Variants in ANOS1 observed in about 807,000 individuals in gnomAD.
The protein encoded by ANOS1 is anosmin 1.
In ANOS1, 6 loss-of-function variants were observed where a neutral mutation model predicts 59.0. That is an observed-to-expected ratio of 0.10 (90% CI 0.06 to 0.20). The LOEUF (loss-of-function observed/expected upper bound fraction) is 0.20. ANOS1 is among the 10% of genes least tolerant of loss of function. The pLI is 1.00. For missense variants in ANOS1, 433 were observed against 542.3 expected (o/e 0.80, Z 2.00); for synonymous variants, 217 against 223.4 (o/e 0.97, Z 0.25).
At chrX:8,657,990 T>A (rs1931962928) in intron 2 of ANOS1, among the ~76,000 whole-genome samples, 1 of 111,487 alleles carries the variant, frequency 9.0e-6, no homozygotes, top group Non-Finnish European at 1.9e-5. Flanking sequence ...TCTCATCTAC[T>A]ACCTCCTGTC....
At chrX:8,556,740 T>C (rs758503692) in intron 8 of ANOS1, among the ~76,000 whole-genome samples, 3 of 111,872 alleles carry the variant, frequency 2.7e-5, no homozygotes, top group Non-Finnish European at 5.6e-5. Flanking sequence ...ATCGTGAAAA[T>C]GGACATACTA....
intron 3 of ANOS1, among the ~76,000 whole-genome samples, chrX:8,610,712 C>T (rs756768378): frequency 9.0e-6 from 1 of 111,531 alleles, no homozygotes; most frequent in South Asian, 3.8e-4. Flanking sequence ...GAAGCATTGG[C>T]TAGAGTCCTC....
chrX:8,652,865 T>C (rs1419031763), intron 2 of ANOS1, among the ~76,000 whole-genome samples: 1 of 110,909 alleles, frequency 9.0e-6, no homozygotes, highest in Admixed American at 9.6e-5. Context: ...TTTATTTATT[T>C]TTATTTTTGA....
At chrX:8,637,033 T>G (rs192049861) in intron 2 of ANOS1, among the ~76,000 whole-genome samples, 417 of 112,512 alleles carry the variant, frequency 3.7e-3, no homozygotes, top group African/African-American at 0.013. Context: ...GAATATTTAA[T>G]TTTATTCTCT....
In ANOS1 at chrX:8,617,465, C is replaced by T. The variant is rs1036906615; in HGVS notation, c.318+6143G>A. 8.9e-5 allele frequency among the ~76,000 whole-genome samples: 10 copies of T among 111,773 alleles called. No individual in the cohort carries two copies. In the Admixed American group the frequency reaches 9.5e-4, roughly 11 times the overall value. ...AGGGGCAAGGAGCCCTGTCTTCCTT[C>T]TCTCCTTGAGGTGCCATTAATTAAC... On this transcript the variant is annotated intron_variant, in intron 3 of 13. Coordinates refer to ENST00000262648, the MANE Select transcript of ANOS1 (RefSeq NM_000216.4).
At chrX:8,607,308 T>C (rs1285873389) in intron 3 of ANOS1, among the ~76,000 whole-genome samples, 1 of 112,095 alleles carries the variant, frequency 8.9e-6, no homozygotes, top group Non-Finnish European at 1.9e-5. Flanking sequence ...ATTTCTTAGA[T>C]GTGATTGCAA....
chrX:8,648,756 A>C (rs1343892321), intron 2 of ANOS1, among the ~76,000 whole-genome samples: 3 of 112,070 alleles, frequency 2.7e-5, no homozygotes, highest in Non-Finnish European at 5.6e-5. Context: ...GCTTTCATGA[A>C]TCTCCAAAAG....
chrX:8,642,316 T>C (rs1171171233), intron 2 of ANOS1, among the ~76,000 whole-genome samples: 4 of 111,464 alleles, frequency 3.6e-5, no homozygotes, highest in Non-Finnish European at 5.7e-5. Flanking sequence ...AATGAGTCAA[T>C]CTATGTAGGG....
At chrX:8,679,444 G>A (rs753153540) in intron 2 of ANOS1, among the ~76,000 whole-genome samples, 2 of 109,525 alleles carry the variant, frequency 1.8e-5, no homozygotes, top group East Asian at 5.7e-4. Flanking sequence ...GTCCCTATAA[G>A]TAGGCATATT....
intron 3 of ANOS1, among the ~76,000 whole-genome samples, chrX:8,609,107 T>C (rs992125398): frequency 8.9e-6 from 1 of 112,138 alleles, no homozygotes; most frequent in African/African-American, 3.2e-5. Context: ...TATCTGGAGA[T>C]ATTTTTGTTC....
chrX:8,621,802 T>C (rs1452387152), intron 3 of ANOS1, among the ~76,000 whole-genome samples: 1 of 111,857 alleles, frequency 8.9e-6, no homozygotes, highest in African/African-American at 3.3e-5. Flanking sequence ...CTGAGATCTT[T>C]CATCCAGGAG....
chrX:8,723,536 C>T (rs1377395051), intron 1 of ANOS1, among the ~76,000 whole-genome samples: 1 of 112,234 alleles, frequency 8.9e-6, no homozygotes, highest in Non-Finnish European at 1.9e-5. Context: ...GATTCAGCAC[C>T]TATGCAGACA....
intron 7 of ANOS1, among the ~76,000 whole-genome samples, chrX:8,569,373 T>C (rs942781885): frequency 1.8e-5 from 2 of 112,658 alleles, no homozygotes; most frequent in Non-Finnish European, 3.7e-5. Flanking sequence ...CTGGGCGTGG[T>C]GGCTCACGCC....
chrX:8,543,144 G>A (rs1468244620), intron 9 of ANOS1, among the ~76,000 whole-genome samples: 1 of 106,759 alleles, frequency 9.4e-6, no homozygotes, highest in Non-Finnish European at 1.9e-5. Flanking sequence ...AACATTTAAT[G>A]AATAAATAAG....
chrX:8,651,617 T>C (rs1931851976), intron 2 of ANOS1, among the ~76,000 whole-genome samples: 1 of 112,081 alleles, frequency 8.9e-6, no homozygotes, highest in Non-Finnish European at 1.9e-5. Context: ...CAAGAAACGA[T>C]TTCCCAAGTT....
At chrX:8,649,646 C>T (rs778296405) in intron 2 of ANOS1, among the ~76,000 whole-genome samples, 2 of 112,748 alleles carry the variant, frequency 1.8e-5, no homozygotes, top group East Asian at 2.8e-4. Context: ...ACGAATACAA[C>T]AATAAAATTG....
At chrX:8,601,142 G>A (rs777491464) in intron 3 of ANOS1, among the ~76,000 whole-genome samples, 17 of 102,562 alleles carry the variant, frequency 1.7e-4, no homozygotes, top group Admixed American at 3.2e-4. Context: ...GCAGTGAGCC[G>A]AGATCGCACC....
intron 6 of ANOS1, among the ~76,000 whole-genome samples, chrX:8,576,784 C>G (rs1405904344): frequency 2.7e-5 from 3 of 111,081 alleles, no homozygotes; most frequent in African/African-American, 9.8e-5. Context: ...CCTCTACATG[C>G]CACACTCTAC....
At chrX:8,726,648 G>C (rs1932922907) in intron 1 of ANOS1, among the ~76,000 whole-genome samples, 1 of 112,667 alleles carries the variant, frequency 8.9e-6, no homozygotes, top group South Asian at 3.6e-4. Context: ...GCCAATGGCA[G>C]GTCCCAAGCC....
Sources: allele counts gnomAD v4.1 joint callset (sites outside exome capture counted in the v4.1 genomes callset), GRCh38; gene constraint gnomAD v4.1.1; transcripts MANE v1.5; gene names NCBI Gene and HGNC (gene_info 2026-07-23, HGNC 2026-07-21).